The following MTHFD2L variants were observed in gnomAD, a reference collection of about 807,000 sequenced individuals.
MTHFD2L encodes methylenetetrahydrofolate dehydrogenase (NADP+ dependent) 2 like.
A neutral mutation model predicts 34.9 loss-of-function variants in MTHFD2L; 29 were observed. That is an observed-to-expected ratio of 0.83 (90% CI 0.62 to 1.13). The LOEUF is 1.13. Ranked by LOEUF, MTHFD2L falls within the 50% of genes most tolerant of loss-of-function variation. MTHFD2L has a pLI of 0.00. For missense variants in MTHFD2L, 481 were observed against 446.5 expected, an observed-to-expected ratio of 1.08 and a Z score of -0.70; for synonymous variants, 167 against 155.7, an observed-to-expected ratio of 1.07 and a Z score of -0.54.
At chr4:74,275,191 G>C (rs1046457123) in intron 6 of MTHFD2L, among the ~76,000 whole-genome samples, 6 of 152,112 alleles carry the variant, frequency 3.9e-5, no homozygotes, top group African/African-American at 1.4e-4. Context: ...ATGAGAACAT[G>C]CGGTGTTTGG....
At chr4:74,177,631 C>A (rs974270892) in intron 3 of MTHFD2L, among the ~76,000 whole-genome samples, 7 of 151,824 alleles carry the variant, frequency 4.6e-5, no homozygotes, top group African/African-American at 7.2e-5. Flanking sequence ...AGAAAAGGAA[C>A]CCTTGCTCAC....
At chr4:74,276,201 A>G (rs916468708) in intron 6 of MTHFD2L, among the ~76,000 whole-genome samples, 2 of 152,196 alleles carry the variant, frequency 1.3e-5, no homozygotes, top group Admixed American at 6.6e-5. Context: ...CTACTGAAAC[A>G]TCAAAAGATT....
chr4:74,259,639 C>A (rs1488861916), intron 6 of MTHFD2L, among the ~76,000 whole-genome samples: 2 of 152,124 alleles, frequency 1.3e-5, no homozygotes, highest in African/African-American at 4.8e-5. Context: ...AACCTGAGGA[C>A]CCTGTCAAAA....
intron 6 of MTHFD2L, among the ~76,000 whole-genome samples, chr4:74,260,239 G>C (rs1185761593): frequency 6.6e-6 from 1 of 152,154 alleles, no homozygotes; most frequent in Non-Finnish European, 1.5e-5. Context: ...GTTGGGGCCA[G>C]GAATGAGTCT....
intron 6 of MTHFD2L, among the ~76,000 whole-genome samples, chr4:74,231,700 T>TG (rs1468789137): frequency 6.6e-6 from 1 of 152,150 alleles, no homozygotes; most frequent in Non-Finnish European, 1.5e-5. Flanking sequence ...ATTGTGAGCT[T>TG]GGTCTCATTT....
intron 3 of MTHFD2L, among the ~76,000 whole-genome samples, chr4:74,180,427 G>A (rs1347268561): frequency 6.6e-6 from 1 of 152,106 alleles, no homozygotes; most frequent in East Asian, 1.9e-4. Flanking sequence ...TCTATAATTT[G>A]GTTAGTAAAT....
At chr4:74,231,136 A>G (rs1306399124) in intron 6 of MTHFD2L, among the ~76,000 whole-genome samples, 1 of 152,196 alleles carries the variant, frequency 6.6e-6, no homozygotes, top group African/African-American at 2.4e-5. Flanking sequence ...GATATAAAAC[A>G]GGATAAATGG....
At chr4:74,203,355 A>G (rs1385286487) in intron 5 of MTHFD2L, among the ~76,000 whole-genome samples, 1 of 152,146 alleles carries the variant, frequency 6.6e-6, no homozygotes, top group Non-Finnish European at 1.5e-5. Flanking sequence ...GTAAATAAAG[A>G]TAGTGATTCT....
In MTHFD2L at chr4:74,148,068, G is replaced by A. The variant is rs145365719; in HGVS notation, c.-296-11987G>A. On this transcript the variant is annotated intron_variant, in intron 1 of 7. Transcript: ENST00000433372. ...TGGTATGGCATAAGGGTCCAACTTC[G>A]TTCTTTTGGTTATGGATATCCAGTT... Among the ~76,000 whole-genome samples, 293 of 151,998 alleles carry A rather than the reference G, an allele frequency of 1.9e-3. 1 individual carries two copies. The highest frequency in any genetic ancestry group is 5.3e-3 in the African/African-American group (221 of 41,486).
At chr4:74,266,088 C>T (rs980394621) in intron 6 of MTHFD2L, among the ~76,000 whole-genome samples, 2 of 152,174 alleles carry the variant, frequency 1.3e-5, no homozygotes, top group Non-Finnish European at 2.9e-5. Context: ...TGTACACATC[C>T]ATTAAGCACT....
intron 6 of MTHFD2L, 23 bp downstream of exon 6, chr4:74,225,417 T>G: frequency 6.3e-7 from 1 of 1,582,282 alleles, no homozygotes; most frequent in African/African-American, 1.3e-5. Flanking sequence ...TGACTGTTAT[T>G]TTTTGGAATG....
intron 6 of MTHFD2L, among the ~76,000 whole-genome samples, chr4:74,230,909 C>A (rs955578660): frequency 6.6e-6 from 1 of 152,050 alleles, no homozygotes; most frequent in Non-Finnish European, 1.5e-5. Flanking sequence ...AGACATTGTC[C>A]ACATTACCCT....
intron 1 of MTHFD2L, among the ~76,000 whole-genome samples, chr4:74,148,685 T>A (rs562879230): frequency 6.8e-6 from 1 of 147,110 alleles, no homozygotes; most frequent in East Asian, 1.9e-4. Context: ...TGCTACTAAC[T>A]TTTAAAATTG....
chr4:74,201,270 A>G lies in MTHFD2L; in HGVS notation c.612A>G (p.Gln204=). The G allele has an allele frequency of 6.2e-7, 1 of 1,613,326 alleles. No individual in the cohort carries two copies. The highest frequency in any genetic ancestry group is 1.3e-5 in the African/African-American group (1 of 75,038). ...CGAACTCTGTATTTTAAGGAATTCA[A>G]ACATTTGGAAAAAATGTGGTTGTGG... ...VWEIIKRTGI[Q]TFGKNVVVAG... Residue 204 remains glutamine, a synonymous_variant, in exon 5 of 8, where the codon CAA becomes CAG. Coordinates refer to ENST00000325278, the MANE Select transcript of MTHFD2L (RefSeq NM_001144978.3).
chr4:74,158,812 C>T (rs1724762637), intron 1 of MTHFD2L, among the ~76,000 whole-genome samples: 1 of 152,268 alleles, frequency 6.6e-6, no homozygotes, highest in East Asian at 1.9e-4. Flanking sequence ...CCTCCCTAAA[C>T]CTCTGTCAGG....
At chr4:74,177,790 C>A (rs531783636) in intron 3 of MTHFD2L, among the ~76,000 whole-genome samples, 1 of 151,890 alleles carries the variant, frequency 6.6e-6, no homozygotes, top group African/African-American at 2.4e-5. Context: ...AAAGAGATAT[C>A]TGCACTCCTA....
intron 1 of MTHFD2L, chr4:74,160,269 A>T (rs1725139877): frequency 5.5e-6 from 2 of 363,316 alleles, no homozygotes; most frequent in African/African-American, 4.3e-5. Flanking sequence ...AGTTTGATAA[A>T]CTCTTATCCC....
upstream of MTHFD2L, among the ~76,000 whole-genome samples, chr4:74,155,909 TAAA>T (rs60044806): frequency 6.7e-4 from 96 of 143,088 alleles, 1 homozygote; most frequent in African/African-American, 2.3e-3. Context: ...CCATGTGATT[TAAA>T]AAAAAAAAAA....
At chr4:74,212,443 C>T (rs6811214) in intron 5 of MTHFD2L, among the ~76,000 whole-genome samples, 36,460 of 151,988 alleles carry the variant, frequency 0.24, 4,470 homozygotes, top group African/African-American at 0.28. Flanking sequence ...GCCTTTATTT[C>T]GTTATTTACC....
Sources: gnomAD v4.1 joint callset for allele counts (sites outside exome capture counted in the v4.1 genomes callset) on GRCh38, gnomAD v4.1.1 for gene constraint, MANE v1.5 for transcripts, NCBI Gene and HGNC (gene_info 2026-07-23, HGNC 2026-07-21) for gene names.